Variants in TJP1 observed in about 807,000 individuals in gnomAD.
The protein encoded by TJP1 is tight junction protein ZO-1.
TJP1 carries 43 observed loss-of-function variants against 194.2 expected under a neutral mutation model. The observed-to-expected ratio is 0.22, with a 90% CI of 0.17 to 0.29. The LOEUF is 0.29. Ranked by LOEUF, TJP1 falls within the 10% of genes least tolerant of loss-of-function variation. The pLI is 1.00. For missense variants in TJP1, 1,971 were observed against 2,185.7 expected (o/e 0.90, Z 1.96); for synonymous variants, 801 against 779.0 (o/e 1.03, Z -0.47).
At chr15:29,733,462 T>G in intron 12 of TJP1, 149 bp from the exon 13 acceptor site, 2 of 652,308 alleles carry the variant, frequency 3.1e-6, no homozygotes, top group Non-Finnish European at 5.1e-6. Flanking sequence ...TTTCATGTAT[T>G]CATCACTGTA....
chr15:29,719,162 G>C (rs747495107), intron 20 of TJP1, 24 bp from the exon 21 acceptor site: 6 of 1,546,912 alleles, frequency 3.9e-6, no homozygotes, highest in Non-Finnish European at 4.3e-6. Flanking sequence ...TCACATTTAA[G>C]GACAAAGTCT....
chr15:29,761,517 A>G (rs2046006745), intron 7 of TJP1, 84 bp downstream of exon 7: 1 of 1,482,898 alleles, frequency 6.7e-7, no homozygotes, highest in Non-Finnish European at 9.0e-7. Context: ...GAAAATTATC[A>G]TTTCATTCAA....
intron 5 of TJP1, 111 bp downstream of exon 5, chr15:29,766,155 C>T: frequency 2.8e-6 from 4 of 1,419,354 alleles, no homozygotes; most frequent in South Asian, 1.4e-5. Context: ...TGATAGAACA[C>T]AAACACAAAG....
Position 29,846,480 on chromosome 15 carries a change from G to T in TJP1, c.307-45778C>A, listed in dbSNP as rs549927312. 2.6e-5 allele frequency among the ~76,000 whole-genome samples: 4 copies of T among 152,166 alleles called. No individual in the cohort carries two copies. The East Asian group carries it at 7.7e-4, about 29-fold the overall frequency. ...AGGGAGTTACACACAAGAGAAGGGA[G>T]ACCTGGATAAAAGGGGGAAATGACA... is the stretch of plus-strand genomic sequence containing the variant. On this transcript the variant is annotated intron_variant, in intron 2 of 28. Coordinates refer to the TJP1 transcript ENST00000356107.
chr15:29,760,510 G>C (rs1164654015), intron 8 of TJP1, among the ~76,000 whole-genome samples: 1 of 152,002 alleles, frequency 6.6e-6, no homozygotes, highest in African/African-American at 2.4e-5. Flanking sequence ...CGAGTAGCTG[G>C]GATTACAAGC....
At position 29,716,773 on chromosome 15, in the gene TJP1, T is replaced by C; in HGVS notation, c.4040A>G (p.Asp1347Gly). The C allele has an allele frequency of 1.9e-6, 3 of 1,614,044 alleles. No individual in the cohort carries two copies. The Admixed American group carries it at 5.0e-5, about 27-fold the overall frequency. Residue 1347 changes from aspartate to glycine, a missense_variant, in exon 23 of 28, where the codon GAC (aspartate) becomes GGC (glycine). Asp to Gly is a moderately conservative substitution (Grantham distance 94). This residue lies in a region of TJP1 where 1,108 missense variants were observed against 1,128.5 expected (regional missense o/e 0.98). Coordinates refer to ENST00000614355, the MANE Select transcript of TJP1 (RefSeq NM_001330239.4). The part of the protein sequence containing the change: ...PEDIVRSNHY[D>G]PEEDEEYYRK... ...ATAATATTCTTCATCTTCTTCAGGGTCATAATGATTGGACCGAACAATATC... is the reference window on the plus strand; with the variant it reads ...ATAATATTCTTCATCTTCTTCAGGGCCATAATGATTGGACCGAACAATATC...
chr15:29,960,308 G>T (rs1324109205), intron 1 of TJP1, among the ~76,000 whole-genome samples: 1 of 152,010 alleles, frequency 6.6e-6, no homozygotes, highest in Non-Finnish European at 1.5e-5. Flanking sequence ...AAAATAAAAT[G>T]ATCATAAACA....
At chr15:29,727,138 G>A (rs952286228) in intron 16 of TJP1, 147 bp from the exon 17 acceptor site, 14 of 654,476 alleles carry the variant, frequency 2.1e-5, no homozygotes, top group Non-Finnish European at 3.6e-5. Context: ...GAGGCCAGGA[G>A]TTCCAGACCA....
intron 2 of TJP1, among the ~76,000 whole-genome samples, chr15:29,834,370 A>G (rs1306431233): frequency 6.6e-6 from 1 of 151,778 alleles, no homozygotes; most frequent in South Asian, 2.1e-4. Flanking sequence ...ACAGGCGGGC[A>G]CCACCCGCCC....
chr15:29,731,645 T>C (rs1258507835), intron 15 of TJP1, among the ~76,000 whole-genome samples: 4 of 152,176 alleles, frequency 2.6e-5, no homozygotes, highest in African/African-American at 7.2e-5. Flanking sequence ...GAAGACTTCA[T>C]TGGGTTTTAT....
intron 24 of TJP1, 112 bp from the exon 25 acceptor site, chr15:29,709,148 G>T: frequency 1.0e-6 from 1 of 987,992 alleles, no homozygotes; most frequent in Non-Finnish European, 1.5e-6. Flanking sequence ...GGGTCGCACA[G>T]CCAGAGCCTG....
intron 2 of TJP1, among the ~76,000 whole-genome samples, chr15:29,870,306 G>GA (rs1363224663): frequency 6.6e-6 from 1 of 151,664 alleles, no homozygotes; most frequent in Admixed American, 6.6e-5. Flanking sequence ...AAATGGTTAA[G>GA]AAAAAAAAGA....
intron 4 of TJP1, among the ~76,000 whole-genome samples, chr15:29,770,254 C>G (rs1266897602): frequency 6.6e-6 from 1 of 151,962 alleles, no homozygotes; most frequent in Non-Finnish European, 1.5e-5. Context: ...CAATACCAGC[C>G]TGGCTAACAT....
At chr15:29,788,699 A>C (rs1416170005) in intron 2 of TJP1, among the ~76,000 whole-genome samples, 2 of 152,220 alleles carry the variant, frequency 1.3e-5, no homozygotes, top group Non-Finnish European at 2.9e-5. Flanking sequence ...ATCTTTTAAT[A>C]CTTTAGTATA....
intron 1 of TJP1, among the ~76,000 whole-genome samples, chr15:29,813,368 C>G (rs1040789533): frequency 2.6e-5 from 4 of 152,104 alleles, no homozygotes; most frequent in Admixed American, 2.0e-4. Flanking sequence ...GCCCCTCAGA[C>G]AGACATATAC....
At chr15:29,833,881 A>ATTTTTTTTTT (rs10650949) in intron 2 of TJP1, among the ~76,000 whole-genome samples, 1 of 12,616 alleles carries the variant, frequency 7.9e-5, no homozygotes, top group Non-Finnish European at 1.4e-4. Flanking sequence ...ATATATATAT[A>ATTTTTTTTTT]TTTTTTTTTT....
chr15:29,718,258 A>G lies in TJP1; in HGVS notation c.3876+8T>C, dbSNP rs186322912. 40 of 1,610,536 alleles carry G rather than the reference A, an allele frequency of 2.5e-5. No individual in the cohort carries two copies. Among genetic ancestry groups the G allele is most frequent in the Middle Eastern group, 1.7e-4 (1 of 6,022 alleles). On this transcript the variant is annotated splice_region_variant and intron_variant, in intron 21 of 27. Coordinates refer to ENST00000614355, the MANE Select transcript of TJP1 (RefSeq NM_001330239.4). ...CCCATGCATCCAAGGCACTAAAGAC[A>G]TATTTACCTTAAAACTGCCAGTGTC...
At chr15:29,829,618 T>C (rs1247950685) in intron 2 of TJP1, among the ~76,000 whole-genome samples, 1 of 136,148 alleles carries the variant, frequency 7.3e-6, no homozygotes, top group Non-Finnish European at 1.5e-5. Flanking sequence ...GAGTGCCAAA[T>C]TCATTGCCTT....
intron 1 of TJP1, among the ~76,000 whole-genome samples, chr15:29,810,618 G>A (rs922171043): frequency 6.6e-6 from 1 of 152,136 alleles, no homozygotes; most frequent in African/African-American, 2.4e-5. Flanking sequence ...TTGTCTAGAA[G>A]GGGTAACAGA....
Sources: gnomAD v4.1 joint callset for allele counts (sites outside exome capture counted in the v4.1 genomes callset) on GRCh38, gnomAD v4.1.1 for gene constraint, gnomAD v4.1.1 regional missense constraint, MANE v1.5 for transcripts, NCBI Gene and HGNC (gene_info 2026-07-23, HGNC 2026-07-21) for gene names.